Variants in SLC25A48 observed in about 807,000 individuals in gnomAD.
The protein encoded by SLC25A48 is solute carrier family 25 member 48, also known as CTC-321K16.1.
SLC25A48 carries 29 observed loss-of-function variants against 32.2 expected under a neutral mutation model. That is an observed-to-expected ratio of 0.90 (90% CI 0.67 to 1.23). SLC25A48 has a LOEUF of 1.23. Ranked by LOEUF, SLC25A48 falls within the 50% of genes most tolerant of loss-of-function variation. The pLI, the probability that SLC25A48 is intolerant of heterozygous loss-of-function variation, is 0.00. For missense variants in SLC25A48, 399 were observed against 422.7 expected (o/e 0.94, Z 0.49); for synonymous variants, 164 against 172.3 (o/e 0.95, Z 0.38).
chr5:135,625,510 G>T (rs1752422634), intron 1 of SLC25A48, among the ~76,000 whole-genome samples: 1 of 152,170 alleles, frequency 6.6e-6, no homozygotes. Context: ...CACAGACTCT[G>T]TGGGACATGA....
rs1025738575 is a variant in SLC25A48, at chr5:135,670,242, GCCAGCCTTTCTGGTTTCTTGA to G, written c.-521+35292_-521+35312del. Among the ~76,000 whole-genome samples, 8 of 152,262 alleles carry G rather than the reference GCCAGCCTTTCTGGTTTCTTGA, an allele frequency of 5.3e-5. 1 individual carries two copies. Among genetic ancestry groups the G allele is most frequent in the African/African-American group, 1.9e-4 (8 of 41,556 alleles). On this transcript the variant is annotated intron_variant, in intron 3 of 10. Transcript: ENST00000646290. ...GGTGTGAAAAGGGAGTATCAAGCAG[GCCAGCCTTTCTGGTTTCTTGA>G]CCAGCTAGCAGGTCAAGCTGTCTCA...
chr5:135,719,727 C>G (rs1232308122), intron 3 of SLC25A48, among the ~76,000 whole-genome samples: 9 of 152,156 alleles, frequency 5.9e-5, no homozygotes. Flanking sequence ...GGTATGGCCT[C>G]TCTCCCTGAG....
rs1756135399 is a variant in SLC25A48 at position 135,764,076 on chromosome 5, C to T, written c.-520-48447C>T. Among the ~76,000 whole-genome samples, 4 of 152,094 alleles carry T rather than the reference C, an allele frequency of 2.6e-5. No homozygotes were observed. The South Asian group carries it at 8.3e-4, about 32-fold the overall frequency. On this transcript the variant is annotated intron_variant, in intron 3 of 10. Transcript: ENST00000646290. Reference sequence around the variant, plus strand: ...GTTCATAATATCCAGGAAGAAAGAGCGTGATATTACTCCCCATATCGCAAG... The same window carrying T: ...GTTCATAATATCCAGGAAGAAAGAGTGTGATATTACTCCCCATATCGCAAG...
At chr5:135,682,478 A>G (rs564300510) in intron 3 of SLC25A48, among the ~76,000 whole-genome samples, 36 of 152,332 alleles carry the variant, frequency 2.4e-4, no homozygotes, top group Admixed American at 1.1e-3. Context: ...TGTGATAAAT[A>G]TATATGTGTG....
In SLC25A48 at chr5:135,871,617, G is replaced by T; in HGVS notation, c.578G>T (p.Cys193Phe). ...AMLLRDVPGY[C>F]LYFIPYVFLS... ...CTGCTGAGGGATGTCCCAGGCTATT[G>T]CCTCTACTTCATCCCCTACGTGTTC... Residue 193 changes from cysteine to phenylalanine, a missense_variant, in exon 5 of 8, where the codon TGC becomes TTC. Coordinates refer to ENST00000681962, the MANE Select transcript of SLC25A48 (RefSeq NM_001349336.2). The T allele has an allele frequency of 6.2e-7, 1 of 1,614,216 alleles. No individual in the cohort carries two copies. Among genetic ancestry groups the T allele is most frequent in the Non-Finnish European group, 8.5e-7 (1 of 1,180,030 alleles).
At chr5:135,652,643 A>G (rs765969539) in intron 3 of SLC25A48, among the ~76,000 whole-genome samples, 17 of 152,258 alleles carry the variant, frequency 1.1e-4, no homozygotes, top group Non-Finnish European at 2.5e-4. Context: ...CTTAAAGGAC[A>G]TAGTATATGC....
chr5:135,579,214 C>T (rs1751176363), exon 1 of SLC25A48: 1 of 251,890 alleles, frequency 4.0e-6, no homozygotes, highest in South Asian at 9.3e-5. Flanking sequence ...ACATCCGCTA[C>T]CCTCTCGCTC....
chr5:135,759,829 CT>C (rs34301836), intron 3 of SLC25A48, among the ~76,000 whole-genome samples: 7,492 of 119,326 alleles, frequency 0.063, 340 homozygotes, highest in African/African-American at 0.17. Flanking sequence ...TATATATCAT[CT>C]TTTTTTTTTT....
intron 3 of SLC25A48, among the ~76,000 whole-genome samples, chr5:135,644,141 A>C (rs1752904407): frequency 6.6e-6 from 1 of 152,138 alleles, no homozygotes; most frequent in Non-Finnish European, 1.5e-5. Flanking sequence ...GATTCATGAG[A>C]CAGACTTTGA....
chr5:135,823,115 CA>C (rs1313510012), intron 4 of SLC25A48, among the ~76,000 whole-genome samples: 3 of 151,948 alleles, frequency 2.0e-5, no homozygotes, highest in Non-Finnish European at 2.9e-5. Flanking sequence ...GAGCATGTGT[CA>C]GGGGCGGGGA....
chr5:135,683,914 T>G (rs1753958669), intron 3 of SLC25A48, among the ~76,000 whole-genome samples: 1 of 152,112 alleles, frequency 6.6e-6, no homozygotes, highest in Non-Finnish European at 1.5e-5. Flanking sequence ...CCCTGCAGTG[T>G]CAGCAGGCCA....
In SLC25A48 at chr5:135,638,930, A is replaced by G. The variant is rs142524502; in HGVS notation, c.-521+3974A>G. Among the ~76,000 whole-genome samples the G allele has an allele frequency of 5.8e-3, 891 of 152,310 alleles. 5 individuals are homozygous for G. The highest frequency in any genetic ancestry group is 0.017 in the African/African-American group (710 of 41,570). On this transcript the variant is annotated intron_variant, in intron 3 of 10. Transcript: ENST00000646290. ...AAAAAACCCAGCAAGACAAAACACA[A>G]TCTTAAATATAAATGACTTTCATTT...
chr5:135,707,032 G>A (rs1253324065), intron 3 of SLC25A48, among the ~76,000 whole-genome samples: 1 of 152,182 alleles, frequency 6.6e-6, no homozygotes, highest in African/African-American at 2.4e-5. Context: ...GTGGATGAGT[G>A]GGCTTTGAGA....
intron 3 of SLC25A48, among the ~76,000 whole-genome samples, chr5:135,790,032 C>T (rs1756983484): frequency 6.6e-6 from 1 of 151,788 alleles, no homozygotes; most frequent in Admixed American, 6.6e-5. Context: ...AGTGTAACAT[C>T]TCAATAGGAT....
At chr5:135,805,719 G>A (rs1191796604) in intron 3 of SLC25A48, among the ~76,000 whole-genome samples, 2 of 150,784 alleles carry the variant, frequency 1.3e-5, no homozygotes, top group African/African-American at 4.9e-5. Flanking sequence ...TATCCCAGTG[G>A]GTGTACACCC....
chr5:135,607,374 C>G (rs1162704063), intron 1 of SLC25A48, among the ~76,000 whole-genome samples: 1 of 152,138 alleles, frequency 6.6e-6, no homozygotes. Flanking sequence ...TGCATGTGCC[C>G]ATGCATACAT....
Position 135,606,273 on chromosome 5 carries a change from T to C in SLC25A48, c.-848-22964T>C, listed in dbSNP as rs577247870. Among the ~76,000 whole-genome samples the C allele has an allele frequency of 2.0e-5, 3 of 152,216 alleles. No individual in the cohort carries two copies. In the South Asian group the frequency reaches 6.2e-4, roughly 32 times the overall value. On this transcript the variant is annotated intron_variant, in intron 1 of 10. Coordinates refer to the SLC25A48 transcript ENST00000646290. ...AGGCTATCTTGACAAGATAGGGGAG[T>C]ATGTTAACTTGAGTCAAACCTGAAG...
At chr5:135,822,461 C>T (rs1254792477) in intron 4 of SLC25A48, among the ~76,000 whole-genome samples, 4 of 152,166 alleles carry the variant, frequency 2.6e-5, no homozygotes, top group Admixed American at 2.6e-4. Context: ...TTCATGCCTC[C>T]CTCCTAGCTT....
intron 2 of SLC25A48, among the ~76,000 whole-genome samples, chr5:135,631,062 G>A (rs1053752263): frequency 1.3e-5 from 2 of 152,042 alleles, no homozygotes; most frequent in Admixed American, 6.6e-5. Flanking sequence ...TTCCTGCATC[G>A]ACCCTGAACT....
Sources: gnomAD v4.1 joint callset for allele counts (sites outside exome capture counted in the v4.1 genomes callset) on GRCh38, gnomAD v4.1.1 for gene constraint, MANE v1.5 for transcripts, NCBI Gene and HGNC (gene_info 2026-07-23, HGNC 2026-07-21) for gene names.